PTPN21: variants seen among roughly 807,000 people sequenced by gnomAD.
The protein encoded by PTPN21 is tyrosine-protein phosphatase non-receptor type 21.
A neutral mutation model predicts 131.8 loss-of-function variants in PTPN21; 77 were observed. That is an observed-to-expected ratio of 0.58 (90% CI 0.49 to 0.71). The LOEUF (loss-of-function observed/expected upper bound fraction) is 0.71. PTPN21 is among the 30% of genes least tolerant of loss of function. PTPN21 has a pLI of 0.00. For missense variants in PTPN21, 1,552 were observed against 1,527.1 expected, an observed-to-expected ratio of 1.02 and a Z score of -0.27; for synonymous variants, 715 against 621.3, an observed-to-expected ratio of 1.15 and a Z score of -2.24.
rs1296088404 is a variant in PTPN21, at chr14:88,466,290, T to C, written c.*1847A>G. 1 of 152,186 alleles carries C rather than the reference T, an allele frequency of 6.6e-6. No individual in the cohort carries two copies. Among genetic ancestry groups the C allele is most frequent in the Non-Finnish European group, 1.5e-5 (1 of 68,032 alleles). 9.4% of individuals were successfully genotyped at this position (152,186 alleles called of 1,614,324 possible). On this transcript the variant is annotated 3_prime_UTR_variant, in exon 19 of 19. Coordinates refer to ENST00000556564, the MANE Select transcript of PTPN21 (RefSeq NM_007039.4). ...TTTTGTAAAATAAAAATGTAAAATT[T>C]TAATTTTGTTCCTACATGAGAAGTG...
chr14:88,518,416 T>TATATATA (rs2078334519), intron 2 of PTPN21, among the ~76,000 whole-genome samples: 1 of 7,802 alleles, frequency 1.3e-4, no homozygotes, highest in Non-Finnish European at 2.6e-4. Flanking sequence ...ATATATATAT[T>TATATATA]TTTTTTTTTT....
chr14:88,550,677 A>G (rs1332618889), intron 1 of PTPN21, 58 bp from the exon 2 acceptor site: 4 of 342,344 alleles, frequency 1.2e-5, no homozygotes, highest in African/African-American at 4.2e-5. Flanking sequence ...TTGCTTGTAT[A>G]AAGAAAAGCC....
At chr14:88,546,405 A>C (rs1332557334) in intron 2 of PTPN21, among the ~76,000 whole-genome samples, 2 of 151,182 alleles carry the variant, frequency 1.3e-5, no homozygotes, top group Non-Finnish European at 3.0e-5. Flanking sequence ...TTAAAAAAAA[A>C]AAAAATACAA....
intron 8 of PTPN21, among the ~76,000 whole-genome samples, chr14:88,498,342 T>C (rs909168046): frequency 6.6e-6 from 1 of 151,992 alleles, no homozygotes; most frequent in African/African-American, 2.4e-5. Flanking sequence ...ATGAATGTTC[T>C]AATTGAAGTA....
At chr14:88,553,699 G>A (rs920013742) in intron 1 of PTPN21, among the ~76,000 whole-genome samples, 1 of 150,750 alleles carries the variant, frequency 6.6e-6, no homozygotes, top group Admixed American at 6.7e-5. Flanking sequence ...TTTACAAAAG[G>A]CAGTCTGAAC....
In PTPN21 at chr14:88,504,406, T is replaced by C; in HGVS notation, c.587+19A>G. 1 of 1,537,790 alleles carries C rather than the reference T, an allele frequency of 6.5e-7. No homozygotes were observed. The highest frequency in any genetic ancestry group is 1.7e-4 in the Middle Eastern group (1 of 5,926). ...ACATTGGTTCTATGCTATTTCCATG[T>C]CTTATTTCTTAGAGTTACCTGTATT... On this transcript the variant is annotated intron_variant, in intron 6 of 18. Transcript: ENST00000556564.
intron 10 of PTPN21, among the ~76,000 whole-genome samples, chr14:88,487,259 A>G (rs73315929): frequency 0.037 from 5,606 of 152,162 alleles, 348 homozygotes; most frequent in African/African-American, 0.13. Context: ...TTGTCAAAGC[A>G]CTTTTTCTTA....
chr14:88,548,333 C>T (rs569168201), intron 2 of PTPN21, among the ~76,000 whole-genome samples: 10 of 152,322 alleles, frequency 6.6e-5, no homozygotes, highest in Admixed American at 1.3e-4. Flanking sequence ...CCCTTACAGT[C>T]GGCCTTTCCT....
rs2078004397 is a variant in PTPN21 at position 88,501,328 on chromosome 14, C to T, written c.628G>A (p.Glu210Lys). 1 of 1,614,020 alleles carries T rather than the reference C, an allele frequency of 6.2e-7. No individual in the cohort carries two copies. Among genetic ancestry groups the T allele is most frequent in the African/African-American group, 1.3e-5 (1 of 74,936 alleles). ...CCATAGCCATCCATTCTCTCTACCT[C>T]CTGCATGTACAGCATTTCAGCATCA... ...APDAEMLYMQ[E>K]VERMDGYGEE... Residue 210 changes from glutamate to lysine, a missense_variant, in exon 7 of 19, where the codon GAG (glutamate) becomes AAG (lysine). Coordinates refer to ENST00000556564, the MANE Select transcript of PTPN21 (RefSeq NM_007039.4).
chr14:88,518,990 T>TAC (rs11467393), intron 2 of PTPN21, among the ~76,000 whole-genome samples: 62 of 150,412 alleles, frequency 4.1e-4, no homozygotes, highest in African/African-American at 1.2e-3. Context: ...CACACACACA[T>TAC]ACACACACAC....
chr14:88,467,734 T>G lies in PTPN21; in HGVS notation c.*403A>C, dbSNP rs1429046226. Reference sequence around the variant, plus strand: ...TCTCACTAGAAAAATCCCTAAATATTTGTCATAAAATAAAAACTCCATTAT... The same window carrying G: ...TCTCACTAGAAAAATCCCTAAATATGTGTCATAAAATAAAAACTCCATTAT... On this transcript the variant is annotated 3_prime_UTR_variant, in exon 19 of 19. Coordinates refer to ENST00000556564, the MANE Select transcript of PTPN21 (RefSeq NM_007039.4). 5.6e-6 allele frequency: 1 copy of G among 177,142 alleles called. No individual in the cohort carries two copies. The highest frequency in any genetic ancestry group is 2.4e-5 in the African/African-American group (1 of 41,610). 11.0% of individuals were successfully genotyped at this position (177,142 alleles called of 1,614,324 possible). A position where few individuals can be genotyped will look rare whatever the true frequency, so the allele number is the denominator to read the frequency against.
chr14:88,543,359 T>C (rs778244912), intron 2 of PTPN21, among the ~76,000 whole-genome samples: 3 of 152,192 alleles, frequency 2.0e-5, no homozygotes, highest in Non-Finnish European at 4.4e-5. Context: ...GATCACTTTC[T>C]AAGTGTTTCA....
chr14:88,522,734 T>C (rs1365855906), intron 2 of PTPN21, among the ~76,000 whole-genome samples: 3 of 152,316 alleles, frequency 2.0e-5, no homozygotes, highest in Admixed American at 1.3e-4. Flanking sequence ...GAAATGTTTA[T>C]ATACATATGG....
intron 1 of PTPN21, chr14:88,551,352 C>T (rs1182022758): frequency 6.6e-6 from 1 of 152,278 alleles, no homozygotes; most frequent in African/African-American, 2.4e-5. Context: ...CGGGCGAGGT[C>T]TTCCACGCCA....
intron 2 of PTPN21, among the ~76,000 whole-genome samples, chr14:88,540,544 T>C (rs1262354873): frequency 1.3e-5 from 2 of 152,218 alleles, no homozygotes; most frequent in African/African-American, 4.8e-5. Context: ...CTTTGCCAAA[T>C]GTAGTTGAAT....
At chr14:88,477,746 G>C (rs979043536) in intron 13 of PTPN21, among the ~76,000 whole-genome samples, 1 of 152,120 alleles carries the variant, frequency 6.6e-6, no homozygotes, top group African/African-American at 2.4e-5. Flanking sequence ...AGTTAGCCTG[G>C]CTCAAGTGCA....
chr14:88,528,107 C>T (rs941141768), intron 2 of PTPN21, among the ~76,000 whole-genome samples: 8 of 152,138 alleles, frequency 5.3e-5, no homozygotes, highest in Non-Finnish European at 7.4e-5. Context: ...GTTCTTTCTA[C>T]TTAGTCTTGC....
rs766012177 is a variant in PTPN21 at position 88,479,546 on chromosome 14, G to GGC, written c.1883_1884dup (p.His629AlafsTer66). 6.3e-7 allele frequency: 1 copy of GGC among 1,599,158 alleles called. No homozygotes were observed. The highest frequency in any genetic ancestry group is 8.5e-7 in the Non-Finnish European group (1 of 1,178,888). ...CTGTTCCGTTTGTGCAGCTGCGCGT[G>GGC]GCGCGCGGCGGTGAGGGGCTCGCTG... is the stretch of plus-strand genomic sequence containing the variant. On this transcript the variant is annotated frameshift_variant, in exon 13 of 19. Coordinates refer to ENST00000556564, the MANE Select transcript of PTPN21 (RefSeq NM_007039.4). LOFTEE classifies it high-confidence loss of function.
rs965630338 is a variant in PTPN21, at chr14:88,554,944, G to C, written c.-496C>G. On this transcript the variant is annotated 5_prime_UTR_variant, in exon 1 of 19. Coordinates refer to ENST00000556564, the MANE Select transcript of PTPN21 (RefSeq NM_007039.4). ...TGGGGGCGGGGGGTGGCAGGAGGAC[G>C]GACAGACCGTCGGACCGACGCGGGA... Among the ~76,000 whole-genome samples, 5 of 151,740 alleles carry C rather than the reference G, an allele frequency of 3.3e-5. No individual in the cohort carries two copies. The South Asian group carries it at 6.2e-4, about 19-fold the overall frequency.
Sources: gnomAD v4.1 joint callset for allele counts (sites outside exome capture counted in the v4.1 genomes callset) on GRCh38, gnomAD v4.1.1 for gene constraint, MANE v1.5 for transcripts, NCBI Gene and HGNC (gene_info 2026-07-23, HGNC 2026-07-21) for gene names.